The following BLM variants were observed in gnomAD, a reference collection of about 807,000 sequenced individuals.
BLM encodes recQ-like DNA helicase BLM.
Under a neutral mutation model 135.3 loss-of-function variants are expected in BLM, and 95 were observed. The observed-to-expected ratio is 0.70, with a 90% CI of 0.59 to 0.83. BLM has a LOEUF of 0.83. BLM is among the 40% of genes least tolerant of loss of function. The pLI, the probability that BLM is intolerant of heterozygous loss-of-function variation, is 0.00. For missense variants in BLM, 1,518 were observed against 1,663.9 expected (o/e 0.91, Z 1.53); for synonymous variants, 520 against 589.2 (o/e 0.88, Z 1.70).
intron 21 of BLM, among the ~76,000 whole-genome samples, chr15:90,812,368 C>T (rs1302696853): frequency 1.3e-5 from 2 of 152,186 alleles, no homozygotes; most frequent in Non-Finnish European, 2.9e-5. Context: ...CTGGGCCGCT[C>T]GTCTGGGACA....
At chr15:90,808,086 C>T (rs1283089119) in intron 19 of BLM, among the ~76,000 whole-genome samples, 2 of 152,194 alleles carry the variant, frequency 1.3e-5, no homozygotes, top group East Asian at 3.8e-4. Flanking sequence ...GTCCTCCTTA[C>T]CTCCAGCTGT....
intron 17 of BLM, among the ~76,000 whole-genome samples, chr15:90,803,306 T>C (rs781404628): frequency 6.6e-6 from 1 of 152,204 alleles, no homozygotes; most frequent in Non-Finnish European, 1.5e-5. Context: ...TTTGTCCATG[T>C]GTATTGTAAA....
chr15:90,809,149 C>G lies in BLM; in HGVS notation c.3764C>G (p.Ser1255Cys), dbSNP rs1897347737. 6.2e-7 allele frequency: 1 copy of G among 1,614,130 alleles called. No homozygotes were observed. The highest frequency in any genetic ancestry group is 8.5e-7 in the Non-Finnish European group (1 of 1,179,988). ...TLKKLAESLSSDPEVLLQIDG... is the reference protein window; with the variant it reads ...TLKKLAESLSCDPEVLLQIDG... ...TGCCTTTGCACAGAATCTTTATCTTCTGATCCTGAGGTTTTGCTTCAAATT... is the reference window on the plus strand; with the variant it reads ...TGCCTTTGCACAGAATCTTTATCTTGTGATCCTGAGGTTTTGCTTCAAATT... Residue 1255 changes from serine to cysteine, a missense_variant, in exon 20 of 22, where the codon TCT becomes TGT. By Grantham distance (112) the Ser-to-Cys change is moderately radical (BLOSUM62 -1). This residue lies in a region of BLM where 626 missense variants were observed against 681.1 expected (regional missense o/e 0.92). Coordinates refer to ENST00000355112, the MANE Select transcript of BLM (RefSeq NM_000057.4).
At chr15:90,734,673 ACG>A (rs372269590) in intron 1 of BLM, among the ~76,000 whole-genome samples, 4 of 133,496 alleles carry the variant, frequency 3.0e-5, no homozygotes, top group South Asian at 2.3e-4. Flanking sequence ...GCGCGCACGC[ACG>A]CACACACACA....
At chr15:90,782,496 G>C (rs530498837) in intron 12 of BLM, among the ~76,000 whole-genome samples, 2 of 152,268 alleles carry the variant, frequency 1.3e-5, no homozygotes, top group East Asian at 3.9e-4. Flanking sequence ...TATTTCTCTT[G>C]GTTCTGAAAG....
intron 1 of BLM, among the ~76,000 whole-genome samples, chr15:90,732,861 C>T (rs777856545): frequency 2.6e-5 from 4 of 152,098 alleles, no homozygotes; most frequent in African/African-American, 4.8e-5. Context: ...TTTGGGAGGC[C>T]GAAGCAGGCA....
chr15:90,764,276 TATA>T (rs1302038087), intron 8 of BLM, among the ~76,000 whole-genome samples: 1 of 148,616 alleles, frequency 6.7e-6, no homozygotes, highest in African/African-American at 2.4e-5. Flanking sequence ...TTGTATTGTA[TATA>T]ATATGTCTAT....
intron 19 of BLM, among the ~76,000 whole-genome samples, chr15:90,805,151 T>G (rs1219054188): frequency 6.6e-6 from 1 of 151,714 alleles, no homozygotes; most frequent in African/African-American, 2.4e-5. Flanking sequence ...TTATTCTTTT[T>G]TTTTTAAGGA....
chr15:90,811,409 A>G lies in BLM; in HGVS notation c.4076+3A>G, dbSNP rs758564326. 2 of 1,613,776 alleles carry G rather than the reference A, an allele frequency of 1.2e-6. No individual in the cohort carries two copies. Reference sequence around the variant, plus strand: ...TCCAGTGGTTCCAAGGCAAAGGGGTATGTTTTGTGACATCTTTTTCAATAT... The same window carrying G: ...TCCAGTGGTTCCAAGGCAAAGGGGTGTGTTTTGTGACATCTTTTTCAATAT... On this transcript the variant is annotated splice_donor_region_variant and intron_variant, in intron 21 of 21. Transcript: ENST00000355112.
At chr15:90,745,412 T>G (rs1367076138) in intron 1 of BLM, among the ~76,000 whole-genome samples, 1 of 152,206 alleles carries the variant, frequency 6.6e-6, no homozygotes, top group African/African-American at 2.4e-5. Flanking sequence ...TGTAGACTTC[T>G]TTTTTGTTGT....
At chr15:90,783,447 C>A (rs1302353791) in intron 13 of BLM, among the ~76,000 whole-genome samples, 1 of 152,192 alleles carries the variant, frequency 6.6e-6, no homozygotes, top group African/African-American at 2.4e-5. Context: ...GATTTCCCCG[C>A]TCAGACTCAC....
chr15:90,740,105 T>G (rs1245698896), intron 1 of BLM, among the ~76,000 whole-genome samples: 1 of 152,136 alleles, frequency 6.6e-6, no homozygotes, highest in Non-Finnish European at 1.5e-5. Context: ...CATATAAAAT[T>G]CACCCATTAA....
intron 5 of BLM, among the ~76,000 whole-genome samples, chr15:90,758,599 C>G (rs1895880900): frequency 6.6e-6 from 1 of 152,118 alleles, no homozygotes; most frequent in Non-Finnish European, 1.5e-5. Flanking sequence ...AACATCATAT[C>G]AGGAGTTGCT....
chr15:90,772,455 C>T (rs1215507526), intron 12 of BLM, among the ~76,000 whole-genome samples: 1 of 152,158 alleles, frequency 6.6e-6, no homozygotes, highest in African/African-American at 2.4e-5. Flanking sequence ...GTGTGCCAGG[C>T]ACTGTTGTCA....
At chr15:90,800,504 A>G (rs113653448) in intron 17 of BLM, among the ~76,000 whole-genome samples, 23,346 of 152,070 alleles carry the variant, frequency 0.15, 1,910 homozygotes, top group Non-Finnish European at 0.19. Context: ...AACATGGAGA[A>G]ACTCCGTCTC....
chr15:90,784,940 C>T lies in BLM; in HGVS notation c.2682C>T (p.Tyr894=), dbSNP rs2151179705. 7 of 1,613,828 alleles carry T rather than the reference C, an allele frequency of 4.3e-6. No individual in the cohort carries two copies. The highest frequency in any genetic ancestry group is 5.9e-6 in the Non-Finnish European group (7 of 1,179,788). Residue 894 remains tyrosine, a synonymous_variant, in exon 14 of 22, where the codon TAC becomes TAT. Transcript: ENST00000355112. ...TGGCAGATGATTCAGGGATAATTTA[C>T]TGCCTCTCCAGGCGAGAATGTGACA... ...KHHPYDSGII[Y]CLSRRECDTM...
In BLM at chr15:90,798,353, T is replaced by A; in HGVS notation, c.3358+16T>A. On this transcript the variant is annotated intron_variant, in intron 17 of 21. Coordinates refer to ENST00000355112, the MANE Select transcript of BLM (RefSeq NM_000057.4). ...ATTTTCTTGGGTAAGTCATCTGTTT[T>A]GAATGTTTGAGTTACTTCAATTGAA... The A allele has an allele frequency of 6.2e-7, 1 of 1,611,534 alleles. No homozygotes were observed. Among genetic ancestry groups the A allele is most frequent in the East Asian group, 2.2e-5 (1 of 44,708 alleles).
rs764839828 is a variant in BLM, at chr15:90,809,228, A to G, written c.3843A>G (p.Val1281=). ...LEKYGAEVIS[V]LQKYSEWTSP... ...AATATGGTGCGGAAGTGATTTCAGTATTACAGAAATACTCTGAATGGACAT... is the reference window on the plus strand; with the variant it reads ...AATATGGTGCGGAAGTGATTTCAGTGTTACAGAAATACTCTGAATGGACAT... Residue 1281 remains valine (V), a synonymous_variant, in exon 20 of 22, where the codon GTA becomes GTG. Coordinates refer to ENST00000355112, the MANE Select transcript of BLM (RefSeq NM_000057.4). 6.2e-7 allele frequency: 1 copy of G among 1,614,234 alleles called. No individual in the cohort carries two copies. The highest frequency in any genetic ancestry group is 8.5e-7 in the Non-Finnish European group (1 of 1,180,042).
chr15:90,742,692 T>C (rs532500182), intron 1 of BLM, among the ~76,000 whole-genome samples: 2 of 151,972 alleles, frequency 1.3e-5, no homozygotes, highest in South Asian at 2.1e-4. Flanking sequence ...TGGAGTGCAG[T>C]GGGGTGATCA....
Sources: allele counts gnomAD v4.1 joint callset (sites outside exome capture counted in the v4.1 genomes callset), GRCh38; gene constraint gnomAD v4.1.1; regional missense constraint gnomAD v4.1.1; transcripts MANE v1.5; gene names NCBI Gene and HGNC (gene_info 2026-07-23, HGNC 2026-07-21).